Variants in GC observed in about 807,000 individuals in gnomAD.
GC encodes the protein GC vitamin D binding protein, also known as vitamin D-binding protein.
Under a neutral mutation model 56.7 loss-of-function variants are expected in GC, and 43 were observed. The observed-to-expected ratio is 0.76, with a 90% CI of 0.59 to 0.98. The LOEUF (loss-of-function observed/expected upper bound fraction) is 0.98, where lower values mean the gene tolerates loss of function less well. GC is among the 50% of genes least tolerant of loss of function. The pLI, the probability that GC is intolerant of heterozygous loss-of-function variation, is 0.00. For synonymous variants in GC, 216 were observed against 202.7 expected, an observed-to-expected ratio of 1.07 and a Z score of -0.56; for missense variants, 529 against 545.9, an observed-to-expected ratio of 0.97 and a Z score of 0.31.
chr4:71,760,741 G>GT (rs1345470007), intron 6 of GC, among the ~76,000 whole-genome samples: 1 of 152,124 alleles, frequency 6.6e-6, no homozygotes, highest in East Asian at 1.9e-4. Flanking sequence ...AGCTGTTCCC[G>GT]TGACAGTGAA....
At chr4:71,752,491 G>A (rs986932644) in intron 11 of GC, 27 bp downstream of exon 11, 1 of 1,594,274 alleles carries the variant, frequency 6.3e-7, no homozygotes, top group Non-Finnish European at 8.6e-7. Context: ...ATTCTGCCAT[G>A]TTAAGTGGAG....
At chr4:71,778,126 T>C (rs1401515719) in intron 1 of GC, among the ~76,000 whole-genome samples, 7 of 151,834 alleles carry the variant, frequency 4.6e-5, no homozygotes, top group African/African-American at 1.7e-4. Flanking sequence ...TACATAACAC[T>C]CCTTGTATAT....
At chr4:71,771,400 G>T (rs1216820910) in intron 1 of GC, among the ~76,000 whole-genome samples, 2 of 151,866 alleles carry the variant, frequency 1.3e-5, no homozygotes, top group African/African-American at 4.8e-5. Context: ...ATGTCAGATT[G>T]CCTGTAGAGG....
chr4:71,760,428 G>GA (rs1341579668), intron 6 of GC, among the ~76,000 whole-genome samples: 6 of 151,884 alleles, frequency 4.0e-5, no homozygotes, highest in African/African-American at 1.5e-4. Flanking sequence ...ATCATTAGAG[G>GA]AAAAAAACTT....
At chr4:71,781,120 C>A (rs1172927741) in intron 1 of GC, among the ~76,000 whole-genome samples, 1 of 151,924 alleles carries the variant, frequency 6.6e-6, no homozygotes, top group Non-Finnish European at 1.5e-5. Flanking sequence ...TCATTCTGAG[C>A]AAACTATCAC....
At chr4:71,759,630 A>G (rs1289970579) in intron 6 of GC, 1 of 152,176 alleles carries the variant, frequency 6.6e-6, no homozygotes, top group Non-Finnish European at 1.5e-5. Flanking sequence ...ATTTGCATGT[A>G]TCTTAAGGTT....
At chr4:71,768,194 G>C in intron 3 of GC, 107 bp downstream of exon 3, 1 of 805,748 alleles carries the variant, frequency 1.2e-6, no homozygotes, top group Non-Finnish European at 1.9e-6. Context: ...CCCCAAACTA[G>C]GAGTAAATGG....
At chr4:71,780,903 T>A (rs377430982) in intron 1 of GC, among the ~76,000 whole-genome samples, 4 of 152,024 alleles carry the variant, frequency 2.6e-5, no homozygotes, top group East Asian at 1.9e-4. Flanking sequence ...CCAAAGGATT[T>A]TAAATCATGC....
intron 11 of GC, among the ~76,000 whole-genome samples, chr4:71,749,517 TTTC>T (rs1261699238): frequency 2.0e-5 from 3 of 152,190 alleles, no homozygotes; most frequent in Non-Finnish European, 2.9e-5. Flanking sequence ...TTTAGACTGT[TTTC>T]TTCTTCTTTC....
intron 11 of GC, among the ~76,000 whole-genome samples, chr4:71,747,873 C>T (rs1741426262): frequency 6.6e-6 from 1 of 152,026 alleles, no homozygotes; most frequent in Admixed American, 6.6e-5. Context: ...GAGGAAGAGT[C>T]CAAGGAAGTG....
rs528954739 is a variant in GC at position 71,797,658 on chromosome 4, C to T, written c.21+6268G>A. On this transcript the variant is annotated intron_variant, in intron 1 of 13. Coordinates refer to the GC transcript ENST00000504199. ...GGTGATGCCCCGCCCTGCTTTGGCT[C>T]GCCCTCCATGGGCAGCACCCACTGT... 4.6e-5 allele frequency among the ~76,000 whole-genome samples: 7 copies of T among 152,344 alleles called. 1 individual carries two copies. In the East Asian group the frequency reaches 1.2e-3, roughly 25 times the overall value.
Position 71,754,473 on chromosome 4 carries a change from A to G in GC, c.1200T>C (p.Ile400=), listed in dbSNP as rs1741652372. The G allele has an allele frequency of 6.3e-7, 1 of 1,588,324 alleles. No individual in the cohort carries two copies. Among genetic ancestry groups the G allele is most frequent in the Non-Finnish European group, 8.6e-7 (1 of 1,157,524 alleles). Residue 400 remains isoleucine (I), a synonymous_variant, in exon 10 of 13, where the codon ATT becomes ATC. Transcript: ENST00000273951. The part of the protein sequence containing the change: ...PLLKKELSSF[I]DKGQELCADY... ...CTGCACATAGTTCTTGTCCCTTGTC[A>G]ATGAAAGAAGATAGTTCCTTCTTTA... is the stretch of plus-strand genomic sequence containing the variant.
intron 1 of GC, among the ~76,000 whole-genome samples, chr4:71,797,273 A>G (rs141091309): frequency 6.6e-6 from 1 of 152,346 alleles, no homozygotes; most frequent in Non-Finnish European, 1.5e-5. Context: ...CCTTTTGTTC[A>G]GCTACACCCT....
At chr4:71,790,703 A>C (rs1742946684) in intron 1 of GC, among the ~76,000 whole-genome samples, 1 of 151,468 alleles carries the variant, frequency 6.6e-6, no homozygotes, top group African/African-American at 2.4e-5. Context: ...TTTTATCTTT[A>C]ACATGTCCAA....
chr4:71,767,793 G>GT (rs1742204124), intron 3 of GC, among the ~76,000 whole-genome samples: 1 of 151,826 alleles, frequency 6.6e-6, no homozygotes, highest in Non-Finnish European at 1.5e-5. Flanking sequence ...CTAATGTATA[G>GT]TTTTTTATCC....
chr4:71,766,881 C>G (rs1008997283), intron 3 of GC, among the ~76,000 whole-genome samples: 1 of 151,916 alleles, frequency 6.6e-6, no homozygotes, highest in Admixed American at 6.6e-5. Flanking sequence ...ATGTTTTGAA[C>G]AAGCAGGAGA....
upstream of GC, chr4:71,786,016 G>C (rs893779934): frequency 6.6e-6 from 1 of 151,754 alleles, no homozygotes; most frequent in Non-Finnish European, 1.5e-5. Context: ...TTGATACAGA[G>C]TTTAAGACCA....
At chr4:71,803,822 C>T in intron 1 of GC, 7 of 716,536 alleles carry the variant, frequency 9.8e-6, no homozygotes, top group Middle Eastern at 4.6e-4. Context: ...CACAGAAATC[C>T]TCTGTGTTGG....
At chr4:71,805,486 G>T (rs1305719389), upstream of GC, among the ~76,000 whole-genome samples, 1 of 152,160 alleles carries the variant, frequency 6.6e-6, no homozygotes, top group East Asian at 1.9e-4. Context: ...GAAGCTAGGG[G>T]ACTGTCCAGC....
Sources: gnomAD v4.1 joint callset for allele counts (sites outside exome capture counted in the v4.1 genomes callset) on GRCh38, gnomAD v4.1.1 for gene constraint, MANE v1.5 for transcripts, NCBI Gene and HGNC (gene_info 2026-07-23, HGNC 2026-07-21) for gene names.